DEDD2: variants seen among roughly 807,000 people sequenced by gnomAD.
The protein encoded by DEDD2 is DNA-binding death effector domain-containing protein 2.
Under a neutral mutation model 28.9 loss-of-function variants are expected in DEDD2, and 18 were observed. The ratio of observed to expected loss-of-function variants is 0.62; its 90% CI spans 0.43 to 0.92. The LOEUF (loss-of-function observed/expected upper bound fraction) is 0.92, where lower values mean the gene tolerates loss of function less well. Among genes scored for constraint, DEDD2 ranks in the 40% least tolerant of loss-of-function variants. The pLI is 0.00. For missense variants in DEDD2, 411 were observed against 463.3 expected (o/e 0.89, Z 1.04); for synonymous variants, 211 against 206.1 (o/e 1.02, Z -0.20).
Position 42,199,835 on chromosome 19 carries a change from G to C in DEDD2, c.590-6C>G, listed in dbSNP as rs1229447994. 4 of 1,579,512 alleles carry C rather than the reference G, an allele frequency of 2.5e-6. No individual in the cohort carries two copies. The highest frequency in any genetic ancestry group is 3.4e-6 in the Non-Finnish European group (4 of 1,162,130). ...TCGAACCCGGAGCCGGATGTCTGCA[G>C]GGGAAGGAGGGATTTGTCAGGGAGG... On this transcript the variant is annotated splice_polypyrimidine_tract_variant and splice_region_variant and intron_variant, in intron 4 of 4. Coordinates refer to ENST00000596251, the MANE Select transcript of DEDD2 (RefSeq NM_133328.4). This position sits in a 1 kb window ranked among gnomAD's most constrained non-coding sequence, Gnocchi z 7.4.
intron 3 of DEDD2, among the ~76,000 whole-genome samples, chr19:42,214,032 C>G (rs2035868307): frequency 6.6e-6 from 1 of 151,964 alleles, no homozygotes; most frequent in Admixed American, 6.5e-5. Context: ...TCAAAGGGTT[C>G]AACAAAAAAA....
In DEDD2 at chr19:42,210,595, T is replaced by C. The variant is rs574047551; in HGVS notation, c.449-755A>G. Among the ~76,000 whole-genome samples the C allele has an allele frequency of 6.6e-5, 10 of 152,052 alleles. No individual in the cohort carries two copies. In the South Asian group the frequency reaches 1.9e-3, roughly 28 times the overall value. ...TTTTAAGTAGAGATGGGTTTCACCA[T>C]GTTGGCCAGGCTGGTCTCAAACTCC... On this transcript the variant is annotated intron_variant, in intron 3 of 4. Transcript: ENST00000596251.
chr19:42,217,228 G>C (rs557888536), intron 1 of DEDD2, among the ~76,000 whole-genome samples, 183 bp from the exon 2 acceptor site: 1 of 151,898 alleles, frequency 6.6e-6, no homozygotes, highest in Non-Finnish European at 1.5e-5. Flanking sequence ...AGAACAGGTC[G>C]GGACGCCGGA....
At chr19:42,208,836 A>T (rs1336698172) in intron 4 of DEDD2, among the ~76,000 whole-genome samples, 1 of 152,262 alleles carries the variant, frequency 6.6e-6, no homozygotes, top group Non-Finnish European at 1.5e-5. Flanking sequence ...ACCCTCGTAC[A>T]GCGTGTGCCG....
chr19:42,212,772 T>A (rs2035821623), intron 3 of DEDD2, among the ~76,000 whole-genome samples: 2 of 152,114 alleles, frequency 1.3e-5, no homozygotes, highest in South Asian at 4.1e-4. Flanking sequence ...GCTAGGTTTT[T>A]TATCTTTTTA....
chr19:42,205,810 C>T (rs976966937), intron 4 of DEDD2, among the ~76,000 whole-genome samples: 1 of 151,932 alleles, frequency 6.6e-6, no homozygotes, highest in Admixed American at 6.6e-5. Context: ...AGGGGCCAGG[C>T]GGTGGCTCAT....
chr19:42,218,057 C>T (rs916104097), upstream of DEDD2, among the ~76,000 whole-genome samples: 5 of 152,184 alleles, frequency 3.3e-5, no homozygotes, highest in African/African-American at 9.7e-5. Flanking sequence ...ACCACTGCCC[C>T]TAGTTGCCCG....
rs372610496 is a variant in DEDD2 at position 42,209,196 on chromosome 19, A to G, written c.589+504T>C. ...GCGGAGGTTGCAGTAAGCCAAGATC[A>G]CACCACTGCACTCCAGCCTGAGAGA... On this transcript the variant is annotated intron_variant, in intron 4 of 4. Transcript: ENST00000596251. 5.3e-5 allele frequency among the ~76,000 whole-genome samples: 8 copies of G among 152,158 alleles called. 1 individual carries two copies. Among genetic ancestry groups the G allele is most frequent in the African/African-American group, 1.9e-4 (8 of 41,508 alleles).
At chr19:42,211,691 TCAAA>T (rs1270455202) in intron 3 of DEDD2, among the ~76,000 whole-genome samples, 1 of 152,136 alleles carries the variant, frequency 6.6e-6, no homozygotes, top group East Asian at 1.9e-4. Context: ...GTAAAATAAA[TCAAA>T]CAAACCCACA....
At chr19:42,215,092 A>G (rs2035912459) in intron 3 of DEDD2, 41 bp downstream of exon 3, 1 of 1,611,390 alleles carries the variant, frequency 6.2e-7, no homozygotes, top group Non-Finnish European at 8.5e-7. Flanking sequence ...TTCATAAGGA[A>G]AAGAGGGATG....
rs961626073 is a variant in DEDD2, at chr19:42,217,638, C to T, written c.-45G>A. The T allele has an allele frequency of 1.3e-5, 2 of 152,902 alleles. No homozygotes were observed. The highest frequency in any genetic ancestry group is 6.5e-5 in the Admixed American group (1 of 15,292). 9.5% of individuals were successfully genotyped at this position (152,902 alleles called of 1,614,324 possible). A position where few individuals can be genotyped will look rare whatever the true frequency, so the allele number is the denominator to read the frequency against. On this transcript the variant is annotated 5_prime_UTR_variant, in exon 1 of 5. Coordinates refer to ENST00000596251, the MANE Select transcript of DEDD2 (RefSeq NM_133328.4). The stretch of plus-strand genomic sequence containing the variant: ...GGCCTCTCTGGATCCTCACCAGATT[C>T]TGGCGTCCGATGACTCCTGGGCGAC...
chr19:42,219,075 C>G (rs1251604276), upstream of DEDD2, among the ~76,000 whole-genome samples: 1 of 151,700 alleles, frequency 6.6e-6, no homozygotes, highest in Non-Finnish European at 1.5e-5. Flanking sequence ...GAGGCCGAGG[C>G]GGGCGGATCA....
intron 4 of DEDD2, among the ~76,000 whole-genome samples, chr19:42,202,241 T>G (rs1276761412): frequency 6.6e-6 from 1 of 151,922 alleles, no homozygotes; most frequent in Non-Finnish European, 1.5e-5. Flanking sequence ...CACCCAGGCC[T>G]TCATCTCTCT....
intron 4 of DEDD2, among the ~76,000 whole-genome samples, chr19:42,207,735 T>G (rs1290472042): frequency 6.6e-6 from 1 of 152,150 alleles, no homozygotes; most frequent in Non-Finnish European, 1.5e-5. Context: ...TAATAAAAAC[T>G]GGATGAAGGA....
At chr19:42,202,565 C>A (rs868329457) in intron 4 of DEDD2, among the ~76,000 whole-genome samples, 1 of 152,294 alleles carries the variant, frequency 6.6e-6, no homozygotes. Flanking sequence ...AATCTCCATG[C>A]CCCCATTCAA....
At chr19:42,203,621 T>G (rs1318923782) in intron 4 of DEDD2, among the ~76,000 whole-genome samples, 1 of 152,096 alleles carries the variant, frequency 6.6e-6, no homozygotes, top group African/African-American at 2.4e-5. Context: ...TGGCCTCCTG[T>G]GTAAAACAAG....
intron 4 of DEDD2, among the ~76,000 whole-genome samples, chr19:42,207,178 GC>G (rs1221874738): frequency 1.8e-4 from 27 of 152,120 alleles, no homozygotes; most frequent in Admixed American, 1.8e-3. Flanking sequence ...AGCCCACATA[GC>G]TGCCTGAGGA....
intron 3 of DEDD2, among the ~76,000 whole-genome samples, chr19:42,212,940 A>C (rs2035826695): frequency 6.6e-6 from 1 of 152,194 alleles, no homozygotes; most frequent in Admixed American, 6.5e-5. Context: ...CTTTTTGAAA[A>C]GTCAAGTCTC....
intron 3 of DEDD2, among the ~76,000 whole-genome samples, chr19:42,212,760 C>T (rs1422895833): frequency 1.3e-5 from 2 of 152,138 alleles, no homozygotes; most frequent in African/African-American, 2.4e-5. Context: ...CCACTGCACC[C>T]GGCTAGGTTT....
Sources: allele counts gnomAD v4.1 joint callset (sites outside exome capture counted in the v4.1 genomes callset), GRCh38; gene constraint gnomAD v4.1.1; non-coding constraint Gnocchi (gnomAD v3.1); transcripts MANE v1.5; gene names NCBI Gene and HGNC (gene_info 2026-07-23, HGNC 2026-07-21).